TMEM178B: variants seen among roughly 807,000 people sequenced by gnomAD.
The protein encoded by TMEM178B is transmembrane protein 178B.
In TMEM178B, 5 loss-of-function variants were observed where a neutral mutation model predicts 31.0. That is an observed-to-expected ratio of 0.16 (90% confidence interval 0.08 to 0.34). The LOEUF (loss-of-function observed/expected upper bound fraction) is 0.34. Ranked by LOEUF, TMEM178B falls within the 10% of genes least tolerant of loss-of-function variation. The probability of loss-of-function intolerance (pLI) is 1.00; values close to 1 mark genes in which losing one functional copy is unlikely to be tolerated. For missense variants in TMEM178B, 275 were observed against 400.3 expected (o/e 0.69, Z 2.67); for synonymous variants, 164 against 164.0 (o/e 1.00, Z 0.00).
At chr7:141,153,077 G>A (rs1003950114) in intron 1 of TMEM178B, among the ~76,000 whole-genome samples, 2 of 152,148 alleles carry the variant, frequency 1.3e-5, no homozygotes, top group Non-Finnish European at 2.9e-5. Flanking sequence ...TCTTCTTTCA[G>A]ATGAAAGACA....
At chr7:141,298,858 G>A (rs927309222) in intron 2 of TMEM178B, among the ~76,000 whole-genome samples, 1 of 152,336 alleles carries the variant, frequency 6.6e-6, no homozygotes, top group East Asian at 1.9e-4. Context: ...AGGTCAGTTA[G>A]AGATTGAAGT....
At chr7:141,139,966 G>A (rs1055050012) in intron 1 of TMEM178B, among the ~76,000 whole-genome samples, 30 of 151,406 alleles carry the variant, frequency 2.0e-4, no homozygotes, top group East Asian at 5.9e-4. Context: ...GAGTTTCACC[G>A]TGTTGGCCAG....
intron 2 of TMEM178B, among the ~76,000 whole-genome samples, chr7:141,397,114 C>T (rs2116613590): frequency 6.6e-6 from 1 of 152,280 alleles, no homozygotes; most frequent in South Asian, 2.1e-4. Flanking sequence ...AGGTTGAGGG[C>T]TGCACAGAAG....
Position 141,470,287 on chromosome 7 carries a change from C to T in TMEM178B, c.635-249C>T, listed in dbSNP as rs188032294. Among the ~76,000 whole-genome samples the T allele has an allele frequency of 7.2e-5, 11 of 152,242 alleles. No individual in the cohort carries two copies. The East Asian group carries it at 1.9e-3, about 27-fold the overall frequency. ...TAGCATCTTCCCAAAGGAGAGACTTCCCGAGTGTGTCCAAGACTGGGCCAT... is the reference window on the plus strand; with the variant it reads ...TAGCATCTTCCCAAAGGAGAGACTTTCCGAGTGTGTCCAAGACTGGGCCAT... On this transcript the variant is annotated intron_variant, in intron 3 of 3. Coordinates refer to ENST00000565468, the MANE Select transcript of TMEM178B (RefSeq NM_001195278.2).
intron 1 of TMEM178B, among the ~76,000 whole-genome samples, chr7:141,085,163 T>A (rs1186688688): frequency 6.7e-6 from 1 of 149,004 alleles, no homozygotes; most frequent in Non-Finnish European, 1.5e-5. Context: ...TTTTTTTTTT[T>A]TTTTTTTTTT....
At chr7:141,305,554 A>G (rs1031243390) in intron 2 of TMEM178B, among the ~76,000 whole-genome samples, 1 of 151,966 alleles carries the variant, frequency 6.6e-6, no homozygotes, top group South Asian at 2.1e-4. Flanking sequence ...CAGCCTCCCA[A>G]GTAGCTGGGA....
chr7:141,181,194 G>A (rs1169972238), intron 1 of TMEM178B, among the ~76,000 whole-genome samples: 1 of 152,228 alleles, frequency 6.6e-6, no homozygotes, highest in Non-Finnish European at 1.5e-5. Flanking sequence ...AAATGCAAGT[G>A]TGTGTCATTA....
chr7:141,481,284 A>G (rs1802470350), downstream of TMEM178B, among the ~76,000 whole-genome samples: 2 of 152,192 alleles, frequency 1.3e-5, no homozygotes, highest in Non-Finnish European at 2.9e-5. Flanking sequence ...GGGTCTTTTA[A>G]TCTTCTCTCT....
intron 2 of TMEM178B, among the ~76,000 whole-genome samples, chr7:141,334,606 T>C (rs986754936): frequency 5.9e-5 from 9 of 152,184 alleles, no homozygotes; most frequent in Admixed American, 2.6e-4. Flanking sequence ...TATTTGAGCA[T>C]GCAAAGATCT....
intron 1 of TMEM178B, among the ~76,000 whole-genome samples, chr7:141,076,885 T>C (rs1490688060): frequency 6.6e-6 from 1 of 152,160 alleles, no homozygotes; most frequent in African/African-American, 2.4e-5. Context: ...GCTGTTTCTG[T>C]CCATTTGACA....
rs1413391894 is a variant in TMEM178B, at chr7:141,461,215, T to C, written c.635-9321T>C. ...TCTCATGGAGGACTTGGCTGCTTCT[T>C]CTCTGACCTCCCTGATACACAGCCA... On this transcript the variant is annotated intron_variant, in intron 3 of 3. Coordinates refer to ENST00000565468, the MANE Select transcript of TMEM178B (RefSeq NM_001195278.2). The surrounding 1 kb of genome is among the most constrained non-coding windows in gnomAD (Gnocchi z 4.0). Among the ~76,000 whole-genome samples the C allele has an allele frequency of 6.6e-6, 1 of 152,196 alleles. No homozygotes were observed. Among genetic ancestry groups the C allele is most frequent in the Non-Finnish European group, 1.5e-5 (1 of 68,032 alleles).
At chr7:141,481,967 T>A (rs1802483497), downstream of TMEM178B, among the ~76,000 whole-genome samples, 3 of 151,908 alleles carry the variant, frequency 2.0e-5, no homozygotes, top group South Asian at 4.2e-4. Flanking sequence ...ACCTGAGGGG[T>A]GGATGCAGTT....
chr7:141,096,977 C>G (rs1396111906), intron 1 of TMEM178B, among the ~76,000 whole-genome samples: 10 of 152,010 alleles, frequency 6.6e-5, no homozygotes, highest in Admixed American at 6.5e-4. Flanking sequence ...GTAGTCCCAG[C>G]TACTCAGGAG....
At chr7:141,308,390 A>C (rs999483965) in intron 2 of TMEM178B, among the ~76,000 whole-genome samples, 3 of 152,302 alleles carry the variant, frequency 2.0e-5, no homozygotes, top group Non-Finnish European at 2.9e-5. Context: ...TTTTAAAAGC[A>C]GAACCATTTG....
chr7:141,091,392 G>A (rs760027624), intron 1 of TMEM178B, among the ~76,000 whole-genome samples: 2 of 152,160 alleles, frequency 1.3e-5, no homozygotes, highest in Non-Finnish European at 2.9e-5. Context: ...GAACCCAGTG[G>A]TCTATTTCAA....
chr7:141,408,378 G>C (rs2116630225), intron 2 of TMEM178B, among the ~76,000 whole-genome samples: 2 of 152,290 alleles, frequency 1.3e-5, no homozygotes, highest in South Asian at 4.2e-4. Flanking sequence ...TATTAGAGTA[G>C]TACGTCTCAA....
chr7:141,490,924 G>T, the TMEM178B span, among the ~76,000 whole-genome samples: 2 of 152,248 alleles, frequency 1.3e-5, no homozygotes, highest in Non-Finnish European at 2.9e-5. Context: ...TGTGCTCAAA[G>T]AGGTTAGGTG....
chr7:141,174,362 T>C (rs997229853), intron 1 of TMEM178B, among the ~76,000 whole-genome samples: 2 of 152,196 alleles, frequency 1.3e-5, no homozygotes, highest in African/African-American at 4.8e-5. Flanking sequence ...TAGTCTGTCA[T>C]TGATGGGCAT....
At chr7:141,247,169 A>C (rs1289854600) in intron 2 of TMEM178B, among the ~76,000 whole-genome samples, 1 of 149,644 alleles carries the variant, frequency 6.7e-6, no homozygotes, top group Non-Finnish European at 1.5e-5. Context: ...ATTTATCTTT[A>C]TACATAGATA....
Sources: gnomAD v4.1 joint callset for allele counts (sites outside exome capture counted in the v4.1 genomes callset) on GRCh38, gnomAD v4.1.1 for gene constraint, Gnocchi (gnomAD v3.1) non-coding constraint, MANE v1.5 for transcripts, NCBI Gene and HGNC (gene_info 2026-07-23, HGNC 2026-07-21) for gene names.